The following GOSR2 variants were observed in gnomAD, a reference collection of about 807,000 sequenced individuals.
GOSR2 encodes the protein golgi SNAP receptor complex member 2.
Under a neutral mutation model 27.9 loss-of-function variants are expected in GOSR2, and 20 were observed. That is an observed-to-expected ratio of 0.72 (90% CI 0.50 to 1.04). GOSR2 has a LOEUF of 1.04. Among genes scored for constraint, GOSR2 ranks in the 50% least tolerant of loss-of-function variants. The pLI, the probability that GOSR2 is intolerant of heterozygous loss-of-function variation, is 0.00. For synonymous variants in GOSR2, 91 were observed against 98.8 expected (o/e 0.92, Z 0.47); for missense variants, 261 against 270.5 (o/e 0.97, Z 0.25).
At chr17:46,934,189 C>G (rs1437969165) in intron 4 of GOSR2, among the ~76,000 whole-genome samples, 1 of 152,186 alleles carries the variant, frequency 6.6e-6, no homozygotes, top group African/African-American at 2.4e-5. Context: ...TCTGTGATCA[C>G]TGGACACACT....
At chr17:46,942,451 G>GC (rs2089410127), downstream of GOSR2, among the ~76,000 whole-genome samples, 1 of 152,194 alleles carries the variant, frequency 6.6e-6, no homozygotes, top group African/African-American at 2.4e-5. Flanking sequence ...AGAGGAGCTG[G>GC]CCCCTCATCC....
intron 1 of GOSR2, chr17:46,923,426 A>G: frequency 3.5e-6 from 5 of 1,434,678 alleles, no homozygotes; most frequent in Non-Finnish European, 4.5e-6. Context: ...GGGCCTGGAG[A>G]CGTGGGGCAG....
At chr17:46,932,367 G>A (rs2087534935) in intron 4 of GOSR2, 168 bp downstream of exon 4, 1 of 711,236 alleles carries the variant, frequency 1.4e-6, no homozygotes, top group South Asian at 1.7e-5. Context: ...ACTAGACCTA[G>A]ACAGAGAATC....
At chr17:46,954,263 GT>G (rs1418617243) in intron 6 of GOSR2, among the ~76,000 whole-genome samples, 1 of 152,216 alleles carries the variant, frequency 6.6e-6, no homozygotes, top group Non-Finnish European at 1.5e-5. Flanking sequence ...TGGCTAGCCA[GT>G]TTTCTCAGCA....
chr17:46,933,432 A>G (rs1178493959), intron 4 of GOSR2: 1 of 152,226 alleles, frequency 6.6e-6, no homozygotes, highest in African/African-American at 2.4e-5. Context: ...GAGTCTTTCA[A>G]ACGCCAGCAT....
downstream of GOSR2, among the ~76,000 whole-genome samples, chr17:46,968,069 T>C (rs1304203506): frequency 6.6e-6 from 1 of 152,046 alleles, no homozygotes; most frequent in African/African-American, 2.4e-5. Flanking sequence ...GGGGGCCTTC[T>C]TCAGCTTGGG....
chr17:46,953,391 G>A (rs1343371498), intron 6 of GOSR2, among the ~76,000 whole-genome samples: 2 of 152,124 alleles, frequency 1.3e-5, no homozygotes, highest in African/African-American at 4.8e-5. Flanking sequence ...CATTTTTTAT[G>A]GCTGCATAGT....
chr17:46,957,540 G>A (rs1485748178), intron 6 of GOSR2, among the ~76,000 whole-genome samples: 1 of 152,198 alleles, frequency 6.6e-6, no homozygotes, highest in Non-Finnish European at 1.5e-5. Context: ...TTGAACCTGG[G>A]AGGCAGAGGT....
At chr17:46,923,903 G>C in intron 1 of GOSR2, 1 of 398,510 alleles carries the variant, frequency 2.5e-6, no homozygotes, top group East Asian at 3.6e-5. Context: ...CCTATTTTTG[G>C]GGGCGGGGGG....
chr17:46,926,158 AC>A (rs1313034938), intron 1 of GOSR2, among the ~76,000 whole-genome samples: 2 of 152,172 alleles, frequency 1.3e-5, no homozygotes. Context: ...AAGAACTATT[AC>A]CTTATCTCAA....
chr17:46,931,494 T>C lies in GOSR2; in HGVS notation c.203+287T>C, dbSNP rs2087371202. 29 of 473,946 alleles carry C rather than the reference T, an allele frequency of 6.1e-5. 1 individual carries two copies. In the South Asian group the frequency reaches 6.5e-4, roughly 11 times the overall value. 29.4% of individuals were successfully genotyped at this position (473,946 alleles called of 1,614,324 possible). The stretch of plus-strand genomic sequence containing the variant: ...TTTTTTGACTAGATCCATAGCCACC[T>C]GAAGCCTAATGTTGCCATGGAGTTT... On this transcript the variant is annotated intron_variant, in intron 3 of 5. Transcript: ENST00000640051.
intron 6 of GOSR2, among the ~76,000 whole-genome samples, chr17:46,965,553 A>G: frequency 6.6e-6 from 1 of 151,966 alleles, no homozygotes; most frequent in East Asian, 1.9e-4. Context: ...CTGCCATCCA[A>G]TTTCCAGGAA....
intron 4 of GOSR2, chr17:46,932,582 T>C: frequency 2.2e-6 from 1 of 460,758 alleles, no homozygotes; most frequent in Non-Finnish European, 3.9e-6. Context: ...CTGCGGGCAG[T>C]TGCCATTGTG....
chr17:46,975,170 A>G (rs1263200012), intron 6 of GOSR2: 2 of 152,130 alleles, frequency 1.3e-5, no homozygotes, highest in East Asian at 3.9e-4. Context: ...CGTGAAAGCT[A>G]TGGGTCCCCT....
intron 3 of GOSR2, 180 bp from the exon 4 acceptor site, chr17:46,931,887 A>G (rs374799065): frequency 1.9e-4 from 121 of 652,278 alleles, no homozygotes; most frequent in African/African-American, 1.7e-3. Flanking sequence ...TTTAACCACA[A>G]GTTTCTTCTT....
chr17:46,943,664 A>ATC (rs2147128877), downstream of GOSR2, among the ~76,000 whole-genome samples: 1 of 152,290 alleles, frequency 6.6e-6, no homozygotes, highest in African/African-American at 2.4e-5. Flanking sequence ...ACTTGAGCCC[A>ATC]TCCCCCATGC....
Position 46,961,938 on chromosome 17 carries a change from T to C in GOSR2, c.584-4596T>C, listed in dbSNP as rs115720969. Among the ~76,000 whole-genome samples the C allele has an allele frequency of 5.0e-3, 759 of 152,306 alleles. 7 individuals carry two copies. The highest frequency in any genetic ancestry group is 0.016 in the African/African-American group (667 of 41,560). On this transcript the variant is annotated intron_variant, in intron 6 of 6. Coordinates refer to the GOSR2 transcript ENST00000573224. ...GGCTGACCAATGATTCCAAATCATT[T>C]TATTTAATCAACAAATACTTGTTCA...
chr17:46,935,536 G>C (rs1305654374), intron 5 of GOSR2: 11 of 1,245,780 alleles, frequency 8.8e-6, no homozygotes, highest in Non-Finnish European at 1.0e-5. Flanking sequence ...TTGGTACCTC[G>C]CTTTAAGGTG....
rs2089205796 is a variant in GOSR2 at position 46,941,040 on chromosome 17, T to A, written c.*2280T>A. On this transcript the variant is annotated 3_prime_UTR_variant, in exon 6 of 6. Coordinates refer to ENST00000640051, the MANE Select transcript of GOSR2 (RefSeq NM_004287.5). ...GGGGTGAATTCTTAGGTCGAGCTGA[T>A]GCAAGAAACTCCGGTAGCCAGCCTC... 9.2e-7 allele frequency: 1 copy of A among 1,088,732 alleles called. No individual in the cohort carries two copies. 67.4% of individuals were successfully genotyped at this position (1,088,732 alleles called of 1,614,324 possible). A position where few individuals can be genotyped will look rare whatever the true frequency, so the allele number is the denominator to read the frequency against.
Sources: allele counts gnomAD v4.1 joint callset (sites outside exome capture counted in the v4.1 genomes callset), GRCh38; gene constraint gnomAD v4.1.1; transcripts MANE v1.5; gene names NCBI Gene and HGNC (gene_info 2026-07-23, HGNC 2026-07-21).